Variants in TFAP2D observed in about 807,000 individuals in gnomAD.
The protein encoded by TFAP2D is transcription factor AP-2-delta.
A neutral mutation model predicts 43.6 loss-of-function variants in TFAP2D; 9 were observed. That is an observed-to-expected ratio of 0.21 (90% CI 0.12 to 0.36). TFAP2D has a LOEUF of 0.36. TFAP2D is among the 10% of genes least tolerant of loss of function. The pLI is 1.00. For synonymous variants in TFAP2D, 256 were observed against 224.9 expected (o/e 1.14, Z -1.24); for missense variants, 513 against 561.4 (o/e 0.91, Z 0.87).
At chr6:50,715,030 T>A in intron 1 of TFAP2D, 86 bp from the exon 2 acceptor site, 1 of 1,525,270 alleles carries the variant, frequency 6.6e-7, no homozygotes, top group South Asian at 1.3e-5. Context: ...CAGAGAAAGC[T>A]CCTGGCTCCG....
At chr6:50,754,214 A>C (rs560524110) in intron 7 of TFAP2D, among the ~76,000 whole-genome samples, 2 of 152,030 alleles carry the variant, frequency 1.3e-5, no homozygotes, top group South Asian at 4.1e-4. Context: ...TATAAGAAGA[A>C]TCATACAGTA....
At chr6:50,718,120 G>C (rs1373120545) in intron 2 of TFAP2D, 1 of 146,400 alleles carries the variant, frequency 6.8e-6, no homozygotes, top group Non-Finnish European at 1.5e-5. Flanking sequence ...CAGTCTCCAA[G>C]TTTTTTTTTT....
intron 7 of TFAP2D, among the ~76,000 whole-genome samples, chr6:50,752,579 A>C (rs2113886859): frequency 6.6e-6 from 1 of 152,062 alleles, no homozygotes; most frequent in South Asian, 2.1e-4. Context: ...TTTAGGCTGC[A>C]ACATCAGAGA....
At position 50,732,227 on chromosome 6, in the gene TFAP2D, G is replaced by A. The variant is rs753331702; in HGVS notation, c.883+2915G>A. The stretch of plus-strand genomic sequence containing the variant: ...TCTATGGTCTTGTGGGAAAGAATAC[G>A]AATATTTCTTTCATCATTTTTAAAC... On this transcript the variant is annotated intron_variant, in intron 5 of 7. Coordinates refer to ENST00000008391, the MANE Select transcript of TFAP2D (RefSeq NM_172238.4). Among the ~76,000 whole-genome samples the A allele has an allele frequency of 1.9e-4, 29 of 152,098 alleles. No homozygotes were observed. In the East Asian group the frequency reaches 4.3e-3, roughly 22 times the overall value.
intron 7 of TFAP2D, among the ~76,000 whole-genome samples, chr6:50,757,857 T>C (rs943461519): frequency 7.2e-6 from 1 of 138,740 alleles, no homozygotes; most frequent in African/African-American, 2.7e-5. Flanking sequence ...AAACTTATAA[T>C]ATACAAGAGT....
intron 5 of TFAP2D, among the ~76,000 whole-genome samples, chr6:50,744,657 C>G (rs1285649689): frequency 2.0e-5 from 3 of 152,074 alleles, no homozygotes; most frequent in Middle Eastern, 3.4e-3. Context: ...TTATATGGAC[C>G]CTTCGCAGGT....
At chr6:50,766,858 T>C (rs62405416) in intron 7 of TFAP2D, among the ~76,000 whole-genome samples, 7 of 151,428 alleles carry the variant, frequency 4.6e-5, no homozygotes, top group Non-Finnish European at 5.9e-5. Flanking sequence ...TTAGTAGAGA[T>C]GGGGTTTCAC....
intron 5 of TFAP2D, among the ~76,000 whole-genome samples, chr6:50,732,235 C>A (rs544907673): frequency 2.6e-5 from 4 of 152,154 alleles, no homozygotes; most frequent in South Asian, 4.1e-4. Context: ...ACGAATATTT[C>A]TTTCATCATT....
intron 7 of TFAP2D, among the ~76,000 whole-genome samples, chr6:50,761,948 G>T (rs768620551): frequency 3.9e-5 from 6 of 152,000 alleles, no homozygotes; most frequent in Non-Finnish European, 8.8e-5. Context: ...GGATTATAAG[G>T]TGCAAAGAGA....
chr6:50,733,918 A>G (rs1275148377), intron 5 of TFAP2D, among the ~76,000 whole-genome samples: 1 of 152,064 alleles, frequency 6.6e-6, no homozygotes, highest in Non-Finnish European at 1.5e-5. Flanking sequence ...TCGTAAATAT[A>G]AATACCTTGA....
intron 5 of TFAP2D, among the ~76,000 whole-genome samples, chr6:50,733,816 G>GTGC (rs1768926457): frequency 6.6e-6 from 1 of 152,050 alleles, no homozygotes; most frequent in Non-Finnish European, 1.5e-5. Context: ...CCTGAGTGGT[G>GTGC]TGCTTCCTGG....
chr6:50,752,461 C>A (rs1274156007), intron 7 of TFAP2D, among the ~76,000 whole-genome samples: 1 of 151,764 alleles, frequency 6.6e-6, no homozygotes, highest in Non-Finnish European at 1.5e-5. Flanking sequence ...TAAGGAAAGA[C>A]TAATACACAT....
At chr6:50,731,214 G>T (rs1414507523) in intron 5 of TFAP2D, among the ~76,000 whole-genome samples, 1 of 152,018 alleles carries the variant, frequency 6.6e-6, no homozygotes, top group Non-Finnish European at 1.5e-5. Flanking sequence ...TGTGGCCTCT[G>T]CTCAGAGATA....
chr6:50,753,306 T>C (rs1278427987), intron 7 of TFAP2D, among the ~76,000 whole-genome samples: 1 of 151,978 alleles, frequency 6.6e-6, no homozygotes, highest in East Asian at 1.9e-4. Flanking sequence ...TAAGCCATCC[T>C]TTTTATGCTC....
chr6:50,730,439 G>A (rs1414487344), intron 5 of TFAP2D, among the ~76,000 whole-genome samples: 2 of 151,996 alleles, frequency 1.3e-5, no homozygotes, highest in Admixed American at 6.6e-5. Flanking sequence ...GCCTGCGTGT[G>A]CTGGTACTAA....
chr6:50,738,902 T>C (rs1483829121), intron 5 of TFAP2D, among the ~76,000 whole-genome samples: 1 of 152,168 alleles, frequency 6.6e-6, no homozygotes, highest in Non-Finnish European at 1.5e-5. Context: ...CCCTTTTGTA[T>C]AAGTCATAGA....
Position 50,761,425 on chromosome 6 carries a change from A to G in TFAP2D, c.1139+10101A>G, listed in dbSNP as rs567247744. Among the ~76,000 whole-genome samples, 13 of 152,172 alleles carry G rather than the reference A, an allele frequency of 8.5e-5. No homozygotes were observed. In the South Asian group the frequency reaches 2.5e-3, roughly 29 times the overall value. On this transcript the variant is annotated intron_variant, in intron 7 of 7. Transcript: ENST00000008391. ...GCTTTTTGTACCCCAAAAGAAAGCTAGAAAAATTTATCTATGGTTGGCAGA... is the reference window on the plus strand; with the variant it reads ...GCTTTTTGTACCCCAAAAGAAAGCTGGAAAAATTTATCTATGGTTGGCAGA...
chr6:50,731,449 TACACACAC>T (rs35052459), intron 5 of TFAP2D, among the ~76,000 whole-genome samples: 2 of 149,274 alleles, frequency 1.3e-5, no homozygotes, highest in African/African-American at 4.9e-5. Flanking sequence ...CCCACTTTCA[TACACACAC>T]ACACACACAC....
chr6:50,727,002 A>G (rs951573040), intron 3 of TFAP2D, among the ~76,000 whole-genome samples: 3 of 152,176 alleles, frequency 2.0e-5, no homozygotes, highest in African/African-American at 7.2e-5. Context: ...TGAGATTTTG[A>G]ACTCTCAGAT....
Sources: gnomAD v4.1 joint callset for allele counts (sites outside exome capture counted in the v4.1 genomes callset) on GRCh38, gnomAD v4.1.1 for gene constraint, MANE v1.5 for transcripts, NCBI Gene and HGNC (gene_info 2026-07-23, HGNC 2026-07-21) for gene names.